The following PRKAR1A variants were observed in gnomAD, a reference collection of about 807,000 sequenced individuals.
PRKAR1A encodes the protein cAMP-dependent protein kinase type I-alpha regulatory subunit.
PRKAR1A carries 3 observed loss-of-function variants against 52.0 expected under a neutral mutation model. That is an observed-to-expected ratio of 0.06 (90% CI 0.03 to 0.15). The LOEUF (loss-of-function observed/expected upper bound fraction) is 0.15, where lower values mean the gene tolerates loss of function less well. Ranked by LOEUF, PRKAR1A falls within the 10% of genes least tolerant of loss-of-function variation. PRKAR1A has a pLI of 1.00. For missense variants in PRKAR1A, 240 were observed against 477.4 expected (o/e 0.50, Z 4.63); for synonymous variants, 188 against 168.4 (o/e 1.12, Z -0.90).
At chr17:68,535,153 C>G (rs1407284676), downstream of PRKAR1A, 2 of 400,714 alleles carry the variant, frequency 5.0e-6, no homozygotes, top group Non-Finnish European at 9.8e-6. Context: ...GGGAGGTAAA[C>G]AGTTCAAAAT....
At chr17:68,539,438 C>G (rs139949522) in intron 11 of PRKAR1A, 2 of 1,564,434 alleles carry the variant, frequency 1.3e-6, no homozygotes, top group African/African-American at 2.7e-5. Flanking sequence ...CGGCAGCATC[C>G]TTTGCATTCC....
At chr17:68,523,070 G>A in intron 3 of PRKAR1A, 144 bp downstream of exon 3, 1 of 952,350 alleles carries the variant, frequency 1.1e-6, no homozygotes, top group Non-Finnish European at 1.6e-6. Flanking sequence ...TGGAAAACAG[G>A]TTTCTGTAAT....
At chr17:68,514,999 C>T in intron 1 of PRKAR1A, 1 of 277,086 alleles carries the variant, frequency 3.6e-6, no homozygotes, top group Non-Finnish European at 7.1e-6. Flanking sequence ...GACTTTTGTG[C>T]CCTGGTAATT....
downstream of PRKAR1A, chr17:68,537,819 A>G (rs1600512515): frequency 6.8e-7 from 1 of 1,463,482 alleles, no homozygotes; most frequent in Non-Finnish European, 9.3e-7. This position sits in a 1 kb window ranked among gnomAD's most constrained non-coding sequence, Gnocchi z 4.2. Flanking sequence ...CCCCACAAAC[A>G]GCTGTTGTAG....
chr17:68,474,250 A>G, the PRKAR1A span, among the ~76,000 whole-genome samples: 2 of 152,238 alleles, frequency 1.3e-5, no homozygotes, highest in African/African-American at 4.8e-5. Flanking sequence ...ATTTAGTCAC[A>G]TCAACTCTGC....
the PRKAR1A span, among the ~76,000 whole-genome samples, chr17:68,432,179 AG>A: frequency 1.6e-4 from 24 of 152,312 alleles, no homozygotes; most frequent in South Asian, 4.8e-3. Context: ...AGGAGCGAGA[AG>A]GGAGCCGCCC....
intron 2 of PRKAR1A, among the ~76,000 whole-genome samples, chr17:68,518,478 A>G (rs920196047): frequency 1.3e-5 from 2 of 152,234 alleles, no homozygotes; most frequent in Non-Finnish European, 2.9e-5. Flanking sequence ...GTAAGCCACC[A>G]GGGCTTGGGG....
chr17:68,426,513 C>T, the PRKAR1A span, among the ~76,000 whole-genome samples: 50 of 152,226 alleles, frequency 3.3e-4, no homozygotes, highest in African/African-American at 9.4e-4. Flanking sequence ...GCTAGGACTA[C>T]AGGCTCTTTG....
chr17:68,538,214 G>A (rs1003745729), downstream of PRKAR1A, among the ~76,000 whole-genome samples: 6 of 152,224 alleles, frequency 3.9e-5, no homozygotes, highest in African/African-American at 1.4e-4. Flanking sequence ...AGATGAAAAT[G>A]TGGTAGGACC....
At chr17:68,420,388 A>G in the PRKAR1A span, 1 of 1,614,190 alleles carries the variant, frequency 6.2e-7, no homozygotes, top group East Asian at 2.2e-5. Flanking sequence ...TCTCCAGCGC[A>G]GATTACACTC....
chr17:68,486,384 TTCTCTTTC>T, the PRKAR1A span, among the ~76,000 whole-genome samples: 7 of 66,802 alleles, frequency 1.0e-4, no homozygotes, highest in Admixed American at 1.7e-4. Flanking sequence ...CTTTCTTTCT[TTCTCTTTC>T]TTTCTTTCTT....
downstream of PRKAR1A, chr17:68,537,227 C>G (rs944107686): frequency 6.2e-6 from 4 of 644,144 alleles, no homozygotes; most frequent in African/African-American, 1.8e-5. The surrounding 1 kb of genome is among the most constrained non-coding windows in gnomAD (Gnocchi z 4.2). Flanking sequence ...CTCAGGAGAT[C>G]GTCGGTGGCC....
chr17:68,503,441 C>A, the PRKAR1A span, among the ~76,000 whole-genome samples: 4 of 152,124 alleles, frequency 2.6e-5, no homozygotes, highest in African/African-American at 9.7e-5. Context: ...TGGAAGCAAA[C>A]GAGATGTCCT....
intron 11 of PRKAR1A, chr17:68,542,666 C>G: frequency 6.4e-7 from 1 of 1,565,546 alleles, no homozygotes; most frequent in Non-Finnish European, 8.8e-7. Context: ...TACTCAGACC[C>G]GGAATATCAC....
chr17:68,463,739 G>A, the PRKAR1A span, among the ~76,000 whole-genome samples: 1 of 152,302 alleles, frequency 6.6e-6, no homozygotes, highest in Admixed American at 6.5e-5. Flanking sequence ...AAAGCTCAAA[G>A]AGCAGCGAGG....
downstream of PRKAR1A, chr17:68,536,854 C>A: frequency 4.4e-6 from 2 of 454,088 alleles, no homozygotes; most frequent in Non-Finnish European, 4.4e-6. Flanking sequence ...ATATTCTTAG[C>A]AAATCCCTCT....
chr17:68,436,329 G>T, the PRKAR1A span: 1 of 1,544,988 alleles, frequency 6.5e-7, no homozygotes, highest in South Asian at 1.1e-5. Context: ...CTCCTTCCAT[G>T]ACCACACAGC....
Position 68,515,445 on chromosome 17 carries a change from C to A in PRKAR1A, c.46C>A (p.Arg16=), listed in dbSNP as rs886041228. 6.2e-7 allele frequency: 1 copy of A among 1,613,566 alleles called. No homozygotes were observed. Among genetic ancestry groups the A allele is most frequent in the Admixed American group, 1.7e-5 (1 of 60,016 alleles). The change falls in exon 2 of 11, where the codon CGA becomes AGA. Residue 16 remains arginine, a synonymous_variant. Transcript: ENST00000589228. Reference sequence around the variant, plus strand: ...CGCCAGTGAGGAGGCACGCAGCCTTCGAGAATGTGAGCTCTACGTCCAGAA... The same window carrying A: ...CGCCAGTGAGGAGGCACGCAGCCTTAGAGAATGTGAGCTCTACGTCCAGAA... ...TAASEEARSL[R]ECELYVQKHN...
rs1600471286 is a variant in PRKAR1A at position 68,519,305 on chromosome 17, C to G, written c.178-3451C>G. ...AAGGAAAGTGGTTTGACTCACAGTT[C>G]CTCATGGCTGGGCAGGCCTCGGGAA... is the stretch of plus-strand genomic sequence containing the variant. On this transcript the variant is annotated intron_variant, in intron 2 of 10. Coordinates refer to ENST00000589228, the MANE Select transcript of PRKAR1A (RefSeq NM_002734.5). Among the ~76,000 whole-genome samples, 7 of 152,180 alleles carry G rather than the reference C, an allele frequency of 4.6e-5. No homozygotes were observed. The South Asian group carries it at 1.5e-3, about 32-fold the overall frequency.
Sources: allele counts gnomAD v4.1 joint callset (sites outside exome capture counted in the v4.1 genomes callset), GRCh38; gene constraint gnomAD v4.1.1; non-coding constraint Gnocchi (gnomAD v3.1); transcripts MANE v1.5; gene names NCBI Gene and HGNC (gene_info 2026-07-23, HGNC 2026-07-21).